Variants in SLC22A14 observed in about 807,000 individuals in gnomAD.
SLC22A14 encodes organic cation transporter-like 4.
SLC22A14 carries 50 observed loss-of-function variants against 53.9 expected under a neutral mutation model. The ratio of observed to expected loss-of-function variants is 0.93; its 90% CI spans 0.74 to 1.17. The LOEUF is 1.17. SLC22A14 is among the 50% of genes most tolerant of loss of function. The pLI, the probability that SLC22A14 is intolerant of heterozygous loss-of-function variation, is 0.00. For missense variants in SLC22A14, 671 were observed against 734.7 expected (o/e 0.91, Z 1.00); for synonymous variants, 312 against 303.0 (o/e 1.03, Z -0.31).
intron 1 of SLC22A14, among the ~76,000 whole-genome samples, chr3:38,298,719 T>A (rs1186580047): frequency 6.6e-6 from 1 of 152,152 alleles, no homozygotes; most frequent in Non-Finnish European, 1.5e-5. Flanking sequence ...CATATCCAGC[T>A]AGTTTTTGTA....
At chr3:38,312,027 C>T (rs1050817936) in intron 5 of SLC22A14, among the ~76,000 whole-genome samples, 1 of 152,086 alleles carries the variant, frequency 6.6e-6, no homozygotes, top group African/African-American at 2.4e-5. Flanking sequence ...ATTGCTGAAC[C>T]CTGGTGGGAG....
chr3:38,279,946 A>G (rs1037121631), upstream of SLC22A14, among the ~76,000 whole-genome samples: 33 of 152,362 alleles, frequency 2.2e-4, no homozygotes, highest in African/African-American at 7.9e-4. Context: ...AGGTAAGCAA[A>G]GAAACAACTT....
At chr3:38,310,211 C>T (rs1222377355) in intron 5 of SLC22A14, among the ~76,000 whole-genome samples, 16 of 152,012 alleles carry the variant, frequency 1.1e-4, no homozygotes, top group Admixed American at 1.0e-3. Flanking sequence ...GACCCTGCCT[C>T]TACACAAAAT....
chr3:38,299,246 A>T (rs1271539260), intron 1 of SLC22A14, among the ~76,000 whole-genome samples: 1 of 152,152 alleles, frequency 6.6e-6, no homozygotes, highest in Non-Finnish European at 1.5e-5. Flanking sequence ...CTAAAATCAG[A>T]ATTACACAAA....
rs1178717129 is a variant in SLC22A14, at chr3:38,318,215, T to G, written c.1751T>G (p.Met584Arg). 2 of 1,614,042 alleles carry G rather than the reference T, an allele frequency of 1.2e-6. No individual in the cohort carries two copies. The change falls in exon 11 of 11, where the codon ATG (methionine) becomes AGG (arginine). Residue 584 changes from methionine (M) to arginine (R), a missense_variant. Met to Arg is a moderately conservative substitution (Grantham distance 91). Coordinates refer to ENST00000448498, the MANE Select transcript of SLC22A14 (RefSeq NM_001320033.2). ...SSQIRNKVKD[M>R]KTKETSSDDV ...TCTTTCAGGAATAAGGTCAAGGACA[T>G]GAAGACTAAGGAAACATCATCTGAT...
At chr3:38,305,917 C>A (rs1704286204) in intron 1 of SLC22A14, 110 bp from the exon 2 acceptor site, 1 of 1,048,212 alleles carries the variant, frequency 9.5e-7, no homozygotes, top group Non-Finnish European at 1.4e-6. Flanking sequence ...GGTTGGAATC[C>A]ATATTGCTTC....
At chr3:38,317,723 T>G (rs1704661124) in intron 10 of SLC22A14, among the ~76,000 whole-genome samples, 1 of 152,116 alleles carries the variant, frequency 6.6e-6, no homozygotes, top group African/African-American at 2.4e-5. Flanking sequence ...GAATTGAGCA[T>G]TTGTTATGTG....
At chr3:38,279,763 A>C (rs1490971034), upstream of SLC22A14, among the ~76,000 whole-genome samples, 1 of 152,064 alleles carries the variant, frequency 6.6e-6, no homozygotes, top group East Asian at 1.9e-4. Context: ...AGGAGAAGAT[A>C]TGCAGCTTCA....
Position 38,307,685 on chromosome 3 carries a change from C to G in SLC22A14, c.740C>G (p.Ser247Ter). ...TTCTTTCGCTTTGGCATCTCGCAGT[C>G]AGTGGTGGGCTACGCCATCAGCAGC... ...YLFFRFGISQ[S>*]VVGYAISSIS... The change falls in exon 4 of 11, where the codon TCA (serine) becomes TGA (stop). Residue 247 changes from serine (S) to a stop codon, truncating the protein, a stop_gained. Transcript: ENST00000448498. LOFTEE classifies it high-confidence loss of function. This position sits in a 1 kb window ranked among gnomAD's most constrained non-coding sequence, Gnocchi z 4.4. The G allele has an allele frequency of 6.2e-7, 1 of 1,614,210 alleles. No individual in the cohort carries two copies. Among genetic ancestry groups the G allele is most frequent in the Non-Finnish European group, 8.5e-7 (1 of 1,180,038 alleles).
chr3:38,293,207 T>C (rs4955402), intron 1 of SLC22A14, among the ~76,000 whole-genome samples: 9,773 of 152,170 alleles, frequency 0.064, 367 homozygotes, highest in East Asian at 0.16. Flanking sequence ...GGGGCGTGGA[T>C]GAGGGGGCAG....
intron 1 of SLC22A14, among the ~76,000 whole-genome samples, chr3:38,288,688 A>G (rs1443772079): frequency 2.0e-5 from 3 of 152,170 alleles, no homozygotes; most frequent in Admixed American, 6.5e-5. Context: ...TATAAATGGT[A>G]TCTTTTAAAG....
upstream of SLC22A14, among the ~76,000 whole-genome samples, chr3:38,279,523 C>T (rs1481284869): frequency 2.0e-5 from 3 of 152,182 alleles, no homozygotes; most frequent in South Asian, 2.1e-4. Context: ...ACTCGTGATC[C>T]GCCCACCTCG....
upstream of SLC22A14, among the ~76,000 whole-genome samples, chr3:38,281,689 G>A (rs933072775): frequency 6.6e-6 from 1 of 152,222 alleles, no homozygotes; most frequent in South Asian, 2.1e-4. Flanking sequence ...TGGAGATGAA[G>A]TTTCAACATG....
chr3:38,313,855 T>C lies in SLC22A14; in HGVS notation c.1292T>C (p.Leu431Pro), dbSNP rs1283298534. The C allele has an allele frequency of 6.2e-7, 1 of 1,613,894 alleles. No homozygotes were observed. Among genetic ancestry groups the C allele is most frequent in the African/African-American group, 1.3e-5 (1 of 74,880 alleles). Reference sequence around the variant, plus strand: ...GCCCGGCTGTGCTGCATCTTTCTCCTCCAGCAGATTGGGAGGAAGTGGAGC... The same window carrying C: ...GCCCGGCTGTGCTGCATCTTTCTCCCCCAGCAGATTGGGAGGAAGTGGAGC... ...VPARLCCIFL[L>P]QQIGRKWSLA... The change falls in exon 8 of 11, where the codon CTC becomes CCC. Residue 431 changes from leucine to proline, a missense_variant. Coordinates refer to ENST00000448498, the MANE Select transcript of SLC22A14 (RefSeq NM_001320033.2).
intron 1 of SLC22A14, among the ~76,000 whole-genome samples, chr3:38,290,767 T>G (rs1192986085): frequency 2.6e-5 from 4 of 152,230 alleles, no homozygotes; most frequent in Non-Finnish European, 4.4e-5. Context: ...GGGGCTTGGT[T>G]TCCCAGAGGG....
chr3:38,306,988 C>A (rs1704322998), intron 2 of SLC22A14, among the ~76,000 whole-genome samples: 1 of 152,226 alleles, frequency 6.6e-6, no homozygotes, highest in African/African-American at 2.4e-5. Flanking sequence ...GCACTGATTC[C>A]TGCCTTTGCT....
chr3:38,289,332 C>CA (rs1703859769), intron 1 of SLC22A14, among the ~76,000 whole-genome samples: 1 of 152,108 alleles, frequency 6.6e-6, no homozygotes, highest in Non-Finnish European at 1.5e-5. Context: ...ATAGACCTAA[C>CA]TTGAACTTGG....
At chr3:38,298,483 C>A (rs1704090178) in intron 1 of SLC22A14, among the ~76,000 whole-genome samples, 1 of 151,928 alleles carries the variant, frequency 6.6e-6, no homozygotes, top group South Asian at 2.1e-4. Context: ...TCTAATCTAT[C>A]TATCATGAGT....
At chr3:38,303,411 T>C (rs55932361) in intron 1 of SLC22A14, among the ~76,000 whole-genome samples, 9,756 of 152,222 alleles carry the variant, frequency 0.064, 373 homozygotes, top group East Asian at 0.16. Flanking sequence ...ACCACCCATA[T>C]GTTTTGATAT....
Sources: allele counts gnomAD v4.1 joint callset (sites outside exome capture counted in the v4.1 genomes callset), GRCh38; gene constraint gnomAD v4.1.1; non-coding constraint Gnocchi (gnomAD v3.1); transcripts MANE v1.5; gene names NCBI Gene and HGNC (gene_info 2026-07-23, HGNC 2026-07-21).